NOXO1: variants seen among roughly 807,000 people sequenced by gnomAD.
NOXO1 encodes the protein NADPH oxidase organizer 1, also known as NADPH oxidase regulatory protein.
NOXO1 carries 38 observed loss-of-function variants against 33.3 expected under a neutral mutation model. That is an observed-to-expected ratio of 1.14 (90% confidence interval 0.88 to 1.50). The LOEUF (loss-of-function observed/expected upper bound fraction) is 1.50, where lower values mean the gene tolerates loss of function less well. NOXO1 is among the 40% of genes most tolerant of loss of function. The pLI, the probability that NOXO1 is intolerant of heterozygous loss-of-function variation, is 0.00. For synonymous variants in NOXO1, 302 were observed against 237.3 expected, an observed-to-expected ratio of 1.27 and a Z score of -2.51; for missense variants, 675 against 527.1, an observed-to-expected ratio of 1.28 and a Z score of -2.75.
rs1450944959 is a variant in NOXO1, at chr16:1,981,188, C to G, written c.-9G>C. On this transcript the variant is annotated 5_prime_UTR_variant, in exon 1 of 8. Transcript: ENST00000356120. The stretch of plus-strand genomic sequence containing the variant: ...TATCGGGGGCCTGCCATGGCTGTGG[C>G]TTCCAGGCTGCAGATTCCTGAAATG... 6.2e-7 allele frequency: 1 copy of G among 1,613,552 alleles called. No homozygotes were observed. The highest frequency in any genetic ancestry group is 1.1e-5 in the South Asian group (1 of 91,076).
At position 1,979,095 on chromosome 16, in the gene NOXO1, C is replaced by T. The variant is rs749101315; in HGVS notation, c.1073G>A (p.Arg358Gln). ...GTGCGGCACAGAGTCCACGCACCCT[C>T]GAGGGCGGCCCTGGCGCCGTGGGCG... ...ERRPRRQGRP[R>Q]GCVDSVPHPT... Residue 358 changes from arginine (R) to glutamine (Q), a missense_variant, in exon 8 of 8, where the codon CGA becomes CAA. Coordinates refer to ENST00000356120, the MANE Select transcript of NOXO1 (RefSeq NM_172167.3). 1.3e-6 allele frequency: 2 copies of T among 1,507,256 alleles called. No homozygotes were observed. Among genetic ancestry groups the T allele is most frequent in the Admixed American group, 2.4e-5 (1 of 40,954 alleles). 93.4% of individuals were successfully genotyped at this position (1,507,256 alleles called of 1,614,324 possible).
Position 1,980,948 on chromosome 16 carries a change from C to T in NOXO1, c.138G>A (p.Arg46=), listed in dbSNP as rs758235246. ...TFVRRSWDEF[R]QLKKTLKETF... ...GCCCAGGGTCACTCACCTTGAGCTGCCTGAATTCGTCCCAACTCCTGCGCA... is the reference window on the plus strand; with the variant it reads ...GCCCAGGGTCACTCACCTTGAGCTGTCTGAATTCGTCCCAACTCCTGCGCA... The change falls in exon 2 of 8, where the codon AGG becomes AGA. Residue 46 remains arginine (R), a synonymous_variant. Transcript: ENST00000356120. 1.7e-5 allele frequency: 28 copies of T among 1,612,620 alleles called. No homozygotes were observed. The Middle Eastern group carries it at 3.3e-3, about 189-fold the overall frequency.
Position 1,979,137 on chromosome 16 carries a change from C to T in NOXO1, c.1031G>A (p.Arg344His). The T allele has an allele frequency of 6.8e-7, 1 of 1,472,222 alleles. No individual in the cohort carries two copies. The highest frequency in any genetic ancestry group is 8.9e-7 in the Non-Finnish European group (1 of 1,123,570). The allele number at this position is 1,472,222 out of a possible 1,614,324, so 91.2% of individuals were successfully genotyped here. The change falls in exon 8 of 8, where the codon CGC becomes CAC. Residue 344 changes from arginine to histidine, a missense_variant. Arg to His is a conservative substitution (Grantham distance 29, BLOSUM62 0). Transcript: ENST00000356120. ...AIQSRCCTVT[R>H]RALERRPRRQ... Reference sequence around the variant, plus strand: ...CCGTGGGCGCCGCTCCAGGGCCCTGCGTGTGACGGTGCAGCAGCGGCTCTG... The same window carrying T: ...CCGTGGGCGCCGCTCCAGGGCCCTGTGTGTGACGGTGCAGCAGCGGCTCTG...
In NOXO1 at chr16:1,981,360, C is replaced by T; in HGVS notation, c.-181G>A. On this transcript the variant is annotated 5_prime_UTR_variant, in exon 1 of 8. Coordinates refer to ENST00000356120, the MANE Select transcript of NOXO1 (RefSeq NM_172167.3). ...GTCCTTTGCAGCTTTCTTGCTGTCC[C>T]CCAAGCCCACGATCTGGGGGCAGGA... 1 of 1,412,956 alleles carries T rather than the reference C, an allele frequency of 7.1e-7. No homozygotes were observed. Among genetic ancestry groups the T allele is most frequent in the Non-Finnish European group, 9.3e-7 (1 of 1,079,986 alleles). The allele number at this position is 1,412,956 out of a possible 1,614,324, so 87.5% of individuals were successfully genotyped here.
At position 1,981,459 on chromosome 16, in the gene NOXO1, C is replaced by G; in HGVS notation, c.-280G>C. 1.5e-6 allele frequency: 1 copy of G among 678,332 alleles called. No homozygotes were observed. Among genetic ancestry groups the G allele is most frequent in the Non-Finnish European group, 2.3e-6 (1 of 434,616 alleles). The allele number at this position is 678,332 out of a possible 1,614,324, so 42.0% of individuals were successfully genotyped here. A position where few individuals can be genotyped will look rare whatever the true frequency, so the allele number is the denominator to read the frequency against. ...AGAATGAGCTTTCCAGCCCTGGAGG[C>G]GTGCAAGACTGAAGAAGGGGCGAAG... On this transcript the variant is annotated 5_prime_UTR_variant, in exon 1 of 8. Coordinates refer to ENST00000356120, the MANE Select transcript of NOXO1 (RefSeq NM_172167.3).
intron 4 of NOXO1, 54 bp downstream of exon 4, chr16:1,980,313 C>A: frequency 6.4e-7 from 1 of 1,563,464 alleles, no homozygotes; most frequent in Non-Finnish European, 8.6e-7. Flanking sequence ...CACCCTGGAC[C>A]TCTCCCAGCT....
rs752735348 is a variant in NOXO1, at chr16:1,979,423, A to G, written c.818+2T>C. 3 of 1,607,572 alleles carry G rather than the reference A, an allele frequency of 1.9e-6. No homozygotes were observed. Among genetic ancestry groups the G allele is most frequent in the Non-Finnish European group, 2.5e-6 (3 of 1,178,734 alleles). ...GCCCTGCCCACGCCCGCTCCCGCGT[A>G]CCTGCATAGCCACCAGCCGCGGTCT... On this transcript the variant is annotated splice_donor_variant, in intron 7 of 7. Transcript: ENST00000356120. LOFTEE classifies it high-confidence loss of function.
rs1295645905 is a variant in NOXO1 at position 1,980,947 on chromosome 16, G to C, written c.139C>G (p.Gln47Glu). ...FVRRSWDEFR[Q>E]LKKTLKETFP... ...GGCCCAGGGTCACTCACCTTGAGCT[G>C]CCTGAATTCGTCCCAACTCCTGCGC... The change falls in exon 2 of 8, where the codon CAG (glutamine) becomes GAG (glutamate). Residue 47 changes from glutamine (Q) to glutamate (E), a missense_variant. Coordinates refer to ENST00000356120, the MANE Select transcript of NOXO1 (RefSeq NM_172167.3). 1 of 1,612,574 alleles carries C rather than the reference G, an allele frequency of 6.2e-7. No homozygotes were observed. Among genetic ancestry groups the C allele is most frequent in the Non-Finnish European group, 8.5e-7 (1 of 1,179,808 alleles).
At position 1,979,823 on chromosome 16, in the gene NOXO1, C is replaced by T. The variant is rs1447972327; in HGVS notation, c.667G>A (p.Gly223Ser). The change falls in exon 6 of 8, where the codon GGC becomes AGC. Residue 223 changes from glycine to serine, a missense_variant. Coordinates refer to ENST00000356120, the MANE Select transcript of NOXO1 (RefSeq NM_172167.3). ...CCTAGGGACGGGCCTCCCTCCCGGC[C>T]TTGGCCCGGGGCCGCCTCCTCCAGG... Reference protein sequence around the residue: ...PYLEEAAPGQGREGGPSLGSS... With the variant: ...PYLEEAAPGQSREGGPSLGSS... 1 of 1,568,564 alleles carries T rather than the reference C, an allele frequency of 6.4e-7. No homozygotes were observed. Among genetic ancestry groups the T allele is most frequent in the Non-Finnish European group, 8.6e-7 (1 of 1,158,448 alleles).
chr16:1,981,324 G>GC lies in NOXO1; in HGVS notation c.-146dup. ...AAGCCTGTGGGGTCCTTGTGGAGCCGCCCCAGCTGAGTCCTTTGCAGCTTT... is the reference window on the plus strand; with the variant it reads ...AAGCCTGTGGGGTCCTTGTGGAGCCGCCCCCAGCTGAGTCCTTTGCAGCTTT... On this transcript the variant is annotated 5_prime_UTR_variant, in exon 1 of 8. Transcript: ENST00000356120. The GC allele has an allele frequency of 6.9e-7, 1 of 1,449,040 alleles. No individual in the cohort carries two copies. Among genetic ancestry groups the GC allele is most frequent in the Non-Finnish European group, 9.1e-7 (1 of 1,103,798 alleles). The allele number at this position is 1,449,040 out of a possible 1,614,324, so 89.8% of individuals were successfully genotyped here.
In NOXO1 at chr16:1,980,181, G is replaced by C. The variant is rs1426955169; in HGVS notation, c.402C>G (p.Ser134Arg). 3.1e-6 allele frequency: 5 copies of C among 1,596,308 alleles called. No homozygotes were observed. The highest frequency in any genetic ancestry group is 4.3e-6 in the Non-Finnish European group (5 of 1,174,604). The change falls in exon 5 of 8, where the codon AGC becomes AGG. Residue 134 changes from serine (S) to arginine (R), a missense_variant and splice_region_variant. By Grantham distance (110) the Ser-to-Arg change is moderately radical (BLOSUM62 -1). Transcript: ENST00000356120. ...CCTCTGGGGTGGGCAGGATCACCCGGCTGGGAAGGGCAGCCCGTACGAGTG... is the reference window on the plus strand; with the variant it reads ...CCTCTGGGGTGGGCAGGATCACCCGCCTGGGAAGGGCAGCCCGTACGAGTG... ...LDLEPALPPG[S>R]RVILPTPEEQ...
At position 1,979,129 on chromosome 16, in the gene NOXO1, G is replaced by A; in HGVS notation, c.1039C>T (p.Leu347=). ...CCCTGGCGCCGTGGGCGCCGCTCCA[G>A]GGCCCTGCGTGTGACGGTGCAGCAG... is the stretch of plus-strand genomic sequence containing the variant. The part of the protein sequence containing the change: ...SRCCTVTRRA[L]ERRPRRQGRP... The change falls in exon 8 of 8, where the codon CTG becomes TTG. Residue 347 remains leucine, a synonymous_variant. Coordinates refer to ENST00000356120, the MANE Select transcript of NOXO1 (RefSeq NM_172167.3). 2 of 1,482,520 alleles carry A rather than the reference G, an allele frequency of 1.3e-6. No individual in the cohort carries two copies. Among genetic ancestry groups the A allele is most frequent in the Non-Finnish European group, 1.8e-6 (2 of 1,129,614 alleles). The allele number at this position is 1,482,520 out of a possible 1,614,324, so 91.8% of individuals were successfully genotyped here. A position where few individuals can be genotyped will look rare whatever the true frequency, so the allele number is the denominator to read the frequency against.
intron 6 of NOXO1, 68 bp downstream of exon 6, chr16:1,979,722 C>T (rs12929367): frequency 0.085 from 112,777 of 1,325,838 alleles, 5,366 homozygotes; most frequent in African/African-American, 0.094. Flanking sequence ...GCCCGCGGTG[C>T]TTCTGGCCCA....
chr16:1,980,147 G>C lies in NOXO1; in HGVS notation c.436C>G (p.Leu146Val), dbSNP rs1473337313. 1 of 1,605,536 alleles carries C rather than the reference G, an allele frequency of 6.2e-7. No homozygotes were observed. The highest frequency in any genetic ancestry group is 8.5e-7 in the Non-Finnish European group (1 of 1,178,372). The change falls in exon 5 of 8, where the codon CTT becomes GTT. Residue 146 changes from leucine (L) to valine (V), a missense_variant. Coordinates refer to ENST00000356120, the MANE Select transcript of NOXO1 (RefSeq NM_172167.3). Reference sequence around the variant, plus strand: ...GAGAGGCGGCCCGCAGCGCGAGAAAGAGGCTGCTCCTCTGGGGTGGGCAGG... The same window carrying C: ...GAGAGGCGGCCCGCAGCGCGAGAAACAGGCTGCTCCTCTGGGGTGGGCAGG... Reference protein sequence around the residue: ...VILPTPEEQPLSRAAGRLSIH... With the variant: ...VILPTPEEQPVSRAAGRLSIH...
At position 1,980,002 on chromosome 16, in the gene NOXO1, G is replaced by A. The variant is rs1006132607; in HGVS notation, c.581C>T (p.Pro194Leu). ...GGGTTCTTGGGGGGCCCTACCTGAG[G>A]GGTGCCGCAGCAGCACGTCCAGGCT... ...QESLDVLLRH[P>L]SGWWLVENED... Residue 194 changes from proline to leucine, a missense_variant, in exon 5 of 8, where the codon CCC (proline) becomes CTC (leucine). By Grantham distance (98) the Pro-to-Leu change is moderately conservative. Coordinates refer to ENST00000356120, the MANE Select transcript of NOXO1 (RefSeq NM_172167.3). 5.0e-6 allele frequency: 8 copies of A among 1,602,622 alleles called. No homozygotes were observed. The highest frequency in any genetic ancestry group is 1.3e-5 in the African/African-American group (1 of 74,794).
At position 1,980,579 on chromosome 16, in the gene NOXO1, G is replaced by T. The variant is rs1475426429; in HGVS notation, c.224-35C>A. 1.9e-6 allele frequency: 3 copies of T among 1,595,030 alleles called. No homozygotes were observed. The South Asian group carries it at 3.4e-5, about 18-fold the overall frequency. ...CCACAAAAACGTACTGTGATACGCC[G>T]CTTTGGGCTTCACTGGTCCCTGGCG... On this transcript the variant is annotated intron_variant, in intron 3 of 7. Transcript: ENST00000356120.
rs779276996 is a variant in NOXO1 at position 1,979,441 on chromosome 16, C to T, written c.802G>A (p.Gly268Ser). 1.6e-5 allele frequency: 26 copies of T among 1,610,214 alleles called. No homozygotes were observed. Among genetic ancestry groups the T allele is most frequent in the South Asian group, 2.2e-5 (2 of 90,914 alleles). The change falls in exon 7 of 8, where the codon GGC becomes AGC. Residue 268 changes from glycine to serine, a missense_variant. Coordinates refer to ENST00000356120, the MANE Select transcript of NOXO1 (RefSeq NM_172167.3). Reference protein sequence around the residue: ...RVRVLETSDRGWWLCRYGDRA... With the variant: ...RVRVLETSDRSWWLCRYGDRA... The stretch of plus-strand genomic sequence containing the variant: ...CCCGCGTACCTGCATAGCCACCAGC[C>T]GCGGTCTGACGTTTCCAACACGCGC...
Position 1,981,316 on chromosome 16 carries a change from G to T in NOXO1, c.-137C>A. On this transcript the variant is annotated 5_prime_UTR_variant, in exon 1 of 8. Transcript: ENST00000356120. ...AACACCTCAAGCCTGTGGGGTCCTT[G>T]TGGAGCCGCCCCAGCTGAGTCCTTT... The T allele has an allele frequency of 1.4e-6, 2 of 1,459,206 alleles. No individual in the cohort carries two copies. The highest frequency in any genetic ancestry group is 1.8e-6 in the Non-Finnish European group (2 of 1,107,904). The allele number at this position is 1,459,206 out of a possible 1,614,324, so 90.4% of individuals were successfully genotyped here. A position where few individuals can be genotyped will look rare whatever the true frequency, so the allele number is the denominator to read the frequency against.
At chr16:1,980,616 G>A (rs1328741306) in intron 3 of NOXO1, 40 bp downstream of exon 3, 7 of 1,592,562 alleles carry the variant, frequency 4.4e-6, no homozygotes, top group Non-Finnish European at 6.0e-6. Flanking sequence ...CCCCAGGCAA[G>A]CCACCGCCTT....
Sources: allele counts gnomAD v4.1 joint callset, GRCh38; gene constraint gnomAD v4.1.1; transcripts MANE v1.5; gene names NCBI Gene and HGNC (gene_info 2026-07-23, HGNC 2026-07-21).